The following KCNN4 variants were observed in gnomAD, a reference collection of about 807,000 sequenced individuals.
The protein encoded by KCNN4 is intermediate conductance calcium-activated potassium channel protein 4.
Under a neutral mutation model 45.2 loss-of-function variants are expected in KCNN4, and 31 were observed. That is an observed-to-expected ratio of 0.69 (90% CI 0.52 to 0.92). The LOEUF is 0.92. Among genes scored for constraint, KCNN4 ranks in the 40% least tolerant of loss-of-function variants. The pLI, the probability that KCNN4 is intolerant of heterozygous loss-of-function variation, is 0.00. For missense variants in KCNN4, 463 were observed against 574.0 expected (o/e 0.81, Z 1.98); for synonymous variants, 231 against 254.6 (o/e 0.91, Z 0.88).
In KCNN4 at chr19:43,774,133, A is replaced by G; in HGVS notation, c.683+59T>C. 6.6e-7 allele frequency: 1 copy of G among 1,512,366 alleles called. No homozygotes were observed. The allele number at this position is 1,512,366 out of a possible 1,614,324, so 93.7% of individuals were successfully genotyped here. A position where few individuals can be genotyped will look rare whatever the true frequency, so the allele number is the denominator to read the frequency against. On this transcript the variant is annotated intron_variant, in intron 3 of 8. Transcript: ENST00000648319. This position sits in a 1 kb window ranked among gnomAD's most constrained non-coding sequence, Gnocchi z 5.6. Reference sequence around the variant, plus strand: ...GCCTCAACCTGCACCGCGGCACAGGACGGCCGCCGTGGCTGTCCGGGGTTC... The same window carrying G: ...GCCTCAACCTGCACCGCGGCACAGGGCGGCCGCCGTGGCTGTCCGGGGTTC...
chr19:43,777,095 G>A (rs893669618), intron 1 of KCNN4, among the ~76,000 whole-genome samples: 6 of 151,904 alleles, frequency 3.9e-5, no homozygotes, highest in Non-Finnish European at 5.9e-5. Context: ...AAACAAGCAA[G>A]CAAGCAAACA....
chr19:43,767,510 G>A (rs748043677), intron 8 of KCNN4, 30 bp downstream of exon 8: 15 of 1,604,402 alleles, frequency 9.3e-6, no homozygotes, highest in Admixed American at 1.7e-5. Flanking sequence ...CCTCCAGGAT[G>A]CCTTCCTGCC....
intron 1 of KCNN4, among the ~76,000 whole-genome samples, chr19:43,777,324 TGG>T (rs57565022): frequency 0.033 from 4,567 of 137,682 alleles, 131 homozygotes; most frequent in African/African-American, 0.063. Flanking sequence ...TGTGTGTGTG[TGG>T]GTGTGTGTGT....
chr19:43,772,323 A>T lies in KCNN4; in HGVS notation c.684-188T>A, dbSNP rs761955089. Among the ~76,000 whole-genome samples, 1 of 152,102 alleles carries T rather than the reference A, an allele frequency of 6.6e-6. No individual in the cohort carries two copies. The highest frequency in any genetic ancestry group is 1.5e-5 in the Non-Finnish European group (1 of 68,020). On this transcript the variant is annotated intron_variant, in intron 3 of 8. Transcript: ENST00000648319. This position sits in a 1 kb window ranked among gnomAD's most constrained non-coding sequence, Gnocchi z 4.4. ...AAGTTCTGAGCTTTGGAAAGCCTGC[A>T]TGGCCTCCTCTCTGCTGTGTGACCT...
intron 1 of KCNN4, among the ~76,000 whole-genome samples, chr19:43,779,787 A>G (rs751046130): frequency 2.0e-5 from 3 of 152,014 alleles, no homozygotes; most frequent in Non-Finnish European, 2.9e-5. Context: ...CTTAAGACTC[A>G]GGAATCCAGG....
At chr19:43,780,126 T>G (rs1969929193) in intron 1 of KCNN4, among the ~76,000 whole-genome samples, 2 of 151,958 alleles carry the variant, frequency 1.3e-5, no homozygotes, top group Non-Finnish European at 2.9e-5. Flanking sequence ...GGGCTACCTC[T>G]CCCCTTATTG....
intron 8 of KCNN4, chr19:43,767,305 G>C: frequency 1.9e-6 from 1 of 533,228 alleles, no homozygotes; most frequent in East Asian, 3.1e-5. Flanking sequence ...GAGAGAGAGA[G>C]ACCAAGCAAA....
Position 43,774,345 on chromosome 19 carries a change from G to C in KCNN4, c.530C>G (p.Ala177Gly), listed in dbSNP as rs376488320. 1.9e-6 allele frequency: 3 copies of C among 1,610,314 alleles called. No homozygotes were observed. The highest frequency in any genetic ancestry group is 2.5e-6 in the Non-Finnish European group (3 of 1,178,338). The change falls in exon 3 of 9, where the codon GCT (alanine) becomes GGT (glycine). Residue 177 changes from alanine to glycine, a missense_variant. Coordinates refer to ENST00000648319, the MANE Select transcript of KCNN4 (RefSeq NM_002250.3). This position sits in a 1 kb window ranked among gnomAD's most constrained non-coding sequence, Gnocchi z 5.6. ...VLLRSGVLLN[A>G]SYRSIGALNQ... The stretch of plus-strand genomic sequence containing the variant: ...GAGAGCGCCGATGCTGCGGTAGGAA[G>C]CGTTGAGCAGGACGCCGCTGCGCAG...
At chr19:43,778,478 A>T (rs2146468040) in intron 1 of KCNN4, among the ~76,000 whole-genome samples, 1 of 152,156 alleles carries the variant, frequency 6.6e-6, no homozygotes, top group Admixed American at 6.5e-5. Flanking sequence ...TGACCTTGTG[A>T]TCCGCCCACC....
chr19:43,767,691 T>G lies in KCNN4; in HGVS notation c.1136A>C (p.Tyr379Ser). 6.2e-7 allele frequency: 1 copy of G among 1,614,126 alleles called. No homozygotes were observed. Among genetic ancestry groups the G allele is most frequent in the Non-Finnish European group, 8.5e-7 (1 of 1,180,010 alleles). ...VDISKMHMIL[Y>S]DLQQNLSSSH... Reference sequence around the variant, plus strand: ...GCTGCTCAGATTCTGCTGCAGGTCATACAGGATCATGTGCATCTGGGTGGG... The same window carrying G: ...GCTGCTCAGATTCTGCTGCAGGTCAGACAGGATCATGTGCATCTGGGTGGG... Residue 379 changes from tyrosine to serine, a missense_variant, in exon 8 of 9, where the codon TAT becomes TCT. Physicochemically the swap from Tyr to Ser is moderately radical, Grantham distance 144. Transcript: ENST00000648319.
rs561399285 is a variant in KCNN4 at position 43,776,199 on chromosome 19, T to C, written c.255+342A>G. Among the ~76,000 whole-genome samples the C allele has an allele frequency of 6.9e-5, 10 of 145,674 alleles. No individual in the cohort carries two copies. The South Asian group carries it at 2.0e-3, about 29-fold the overall frequency. ...GACCTTAGGTTGCTTGAGGACTGGA[T>C]TGGGGATGCCATGTCGGAGCACAGA... On this transcript the variant is annotated intron_variant, in intron 2 of 8. Coordinates refer to ENST00000648319, the MANE Select transcript of KCNN4 (RefSeq NM_002250.3).
At chr19:43,773,315 G>A (rs1041984277) in intron 3 of KCNN4, among the ~76,000 whole-genome samples, 3 of 152,244 alleles carry the variant, frequency 2.0e-5, no homozygotes, top group African/African-American at 7.2e-5. Flanking sequence ...CTGCCAGGGA[G>A]ACTACAGATG....
At chr19:43,776,147 A>G (rs1302371023) in intron 2 of KCNN4, among the ~76,000 whole-genome samples, 2 of 150,200 alleles carry the variant, frequency 1.3e-5, no homozygotes, top group Non-Finnish European at 3.0e-5. Flanking sequence ...AAAAAAAAAA[A>G]AAAAAAAAAG....
chr19:43,775,385 C>T (rs1969770885), intron 2 of KCNN4, among the ~76,000 whole-genome samples: 1 of 152,174 alleles, frequency 6.6e-6, no homozygotes, highest in Non-Finnish European at 1.5e-5. Context: ...CGTGGATACG[C>T]CAGGTACTGC....
chr19:43,772,243 T>C lies in KCNN4; in HGVS notation c.684-108A>G. The C allele has an allele frequency of 1.6e-6, 2 of 1,229,318 alleles. No individual in the cohort carries two copies. The highest frequency in any genetic ancestry group is 1.1e-6 in the Non-Finnish European group (1 of 885,446). 76.2% of individuals were successfully genotyped at this position (1,229,318 alleles called of 1,614,324 possible). A position where few individuals can be genotyped will look rare whatever the true frequency, so the allele number is the denominator to read the frequency against. The stretch of plus-strand genomic sequence containing the variant: ...ATCCCCTTCCCTCTGGTTCCCTCCC[T>C]TCCCCTCCCAGTATACACCCATAGT... On this transcript the variant is annotated intron_variant, in intron 3 of 8. Coordinates refer to ENST00000648319, the MANE Select transcript of KCNN4 (RefSeq NM_002250.3). The surrounding 1 kb of genome is among the most constrained non-coding windows in gnomAD (Gnocchi z 4.4).
In KCNN4 at chr19:43,777,671, C is replaced by CCT. The variant is rs774311166; in HGVS notation, c.160-1037_160-1036dup. ...CTCCAGAAACCACGGAGAAATTGTT[C>CCT]CTTTTTTTTTTTTTCCTCTCTTTGT... On this transcript the variant is annotated intron_variant, in intron 1 of 8. Coordinates refer to ENST00000648319, the MANE Select transcript of KCNN4 (RefSeq NM_002250.3). Among the ~76,000 whole-genome samples the CCT allele has an allele frequency of 1.6e-5, 2 of 122,002 alleles. 1 individual carries two copies. 80.0% of individuals were successfully genotyped at this position (122,002 alleles called of 152,430 possible). A position where few individuals can be genotyped will look rare whatever the true frequency, so the allele number is the denominator to read the frequency against.
At chr19:43,768,143 T>C (rs916021413) in intron 7 of KCNN4, among the ~76,000 whole-genome samples, 3 of 152,264 alleles carry the variant, frequency 2.0e-5, no homozygotes, top group African/African-American at 7.2e-5. Flanking sequence ...GGATTTTCTA[T>C]GGAAATTCTT....
chr19:43,769,255 G>C lies in KCNN4; in HGVS notation c.1049+187C>G, dbSNP rs1005402844. On this transcript the variant is annotated intron_variant, in intron 6 of 8. Transcript: ENST00000648319. This position sits in a 1 kb window ranked among gnomAD's most constrained non-coding sequence, Gnocchi z 4.4. ...GGTCCGCAGACACACCGAGATATGC[G>C]GAGACAAACCAGCACAGACACATAG... 1 of 671,546 alleles carries C rather than the reference G, an allele frequency of 1.5e-6. No individual in the cohort carries two copies. Among genetic ancestry groups the C allele is most frequent in the Non-Finnish European group, 2.6e-6 (1 of 384,812 alleles). 41.6% of individuals were successfully genotyped at this position (671,546 alleles called of 1,614,324 possible).
chr19:43,767,193 CAG>C (rs903170480), intron 8 of KCNN4, 104 bp from the exon 9 acceptor site: 12 of 248,010 alleles, frequency 4.8e-5, no homozygotes, highest in East Asian at 1.7e-4. Context: ...AAGTGGGAGA[CAG>C]GGGGCAGGTG....
Sources: gnomAD v4.1 joint callset for allele counts (sites outside exome capture counted in the v4.1 genomes callset) on GRCh38, gnomAD v4.1.1 for gene constraint, Gnocchi (gnomAD v3.1) non-coding constraint, MANE v1.5 for transcripts, NCBI Gene and HGNC (gene_info 2026-07-23, HGNC 2026-07-21) for gene names.